ZZEF1: variants seen among roughly 807,000 people sequenced by gnomAD.
ZZEF1 encodes the protein zinc finger ZZ-type and EF-hand domain-containing protein 1.
In ZZEF1, 157 loss-of-function variants were observed where a neutral mutation model predicts 342.8. The ratio of observed to expected loss-of-function variants is 0.46; its 90% confidence interval spans 0.40 to 0.52. The LOEUF (loss-of-function observed/expected upper bound fraction) is 0.52, where lower values mean the gene tolerates loss of function less well. ZZEF1 is among the 20% of genes least tolerant of loss of function. ZZEF1 has a pLI of 0.00. For missense variants in ZZEF1, 3,480 were observed against 3,725.6 expected (o/e 0.93, Z 1.72); for synonymous variants, 1,505 against 1,429.1 (o/e 1.05, Z -1.20).
Position 4,050,858 on chromosome 17 carries a change from C to A in ZZEF1, c.5786G>T (p.Arg1929Leu), listed in dbSNP as rs142520166. 1 of 1,614,142 alleles carries A rather than the reference C, an allele frequency of 6.2e-7. No individual in the cohort carries two copies. Among genetic ancestry groups the A allele is most frequent in the African/African-American group, 1.3e-5 (1 of 75,050 alleles). ...VDGEKLDPQT[R>L]SSATTLRSQC... ...GCTCCGCAGGGTGGTGGCACTGCTG[C>A]GCGTCTGGGGGTCCAGCTTCTCCCC... The change falls in exon 36 of 55, where the codon CGC becomes CTC. Residue 1929 changes from arginine (R) to leucine (L), a missense_variant. Transcript: ENST00000381638.
chr17:4,031,482 A>G (rs1206364952), intron 42 of ZZEF1, among the ~76,000 whole-genome samples: 1 of 152,204 alleles, frequency 6.6e-6, no homozygotes, highest in Non-Finnish European at 1.5e-5. Flanking sequence ...TGGATGGAGA[A>G]AGGATGGCCT....
chr17:4,079,051 A>G (rs1166970963), intron 18 of ZZEF1, among the ~76,000 whole-genome samples: 5 of 152,360 alleles, frequency 3.3e-5, no homozygotes, highest in African/African-American at 1.2e-4. Flanking sequence ...GAAAAGACAC[A>G]CAACTGATCT....
chr17:4,066,359 G>T, intron 28 of ZZEF1, 88 bp downstream of exon 28: 1 of 1,136,178 alleles, frequency 8.8e-7, no homozygotes, highest in Non-Finnish European at 1.3e-6. Context: ...CCTCAATTAA[G>T]ATAATCTAGA....
chr17:4,047,363 G>C (rs2145141367), intron 37 of ZZEF1, among the ~76,000 whole-genome samples: 1 of 152,336 alleles, frequency 6.6e-6, no homozygotes, highest in East Asian at 1.9e-4. Flanking sequence ...ATAAATAATG[G>C]GTCAGGCACA....
rs1363248616 is a variant in ZZEF1 at position 4,017,070 on chromosome 17, G to A, written c.8001+301C>T. On this transcript the variant is annotated intron_variant, in intron 48 of 54. Transcript: ENST00000381638. The surrounding 1 kb of genome is among the most constrained non-coding windows in gnomAD (Gnocchi z 5.1). ...GACTGCGTGTGTGTGTGTGAAGGTG[G>A]GTGAGGGACAGGATCAAAAAGGAGC... The A allele has an allele frequency of 5.6e-6, 2 of 359,772 alleles. No individual in the cohort carries two copies. The highest frequency in any genetic ancestry group is 5.7e-5 in the East Asian group (1 of 17,522). 22.3% of individuals were successfully genotyped at this position (359,772 alleles called of 1,614,324 possible). A position where few individuals can be genotyped will look rare whatever the true frequency, so the allele number is the denominator to read the frequency against.
chr17:4,138,488 A>G (rs1426663806), intron 1 of ZZEF1, among the ~76,000 whole-genome samples: 2 of 152,190 alleles, frequency 1.3e-5, no homozygotes, highest in Non-Finnish European at 2.9e-5. Flanking sequence ...CTGAATATAA[A>G]ATATGAGGTT....
Position 4,067,157 on chromosome 17 carries a change from T to C in ZZEF1, c.4155+6A>G. The stretch of plus-strand genomic sequence containing the variant: ...ATAGCAAAATCACATGCAAAGAAAA[T>C]CTTACCATCCATATTCGAATCCCAT... On this transcript the variant is annotated splice_donor_region_variant and intron_variant, in intron 27 of 54. Coordinates refer to ENST00000381638, the MANE Select transcript of ZZEF1 (RefSeq NM_015113.4). The C allele has an allele frequency of 1.2e-6, 2 of 1,610,918 alleles. No homozygotes were observed. Among genetic ancestry groups the C allele is most frequent in the Non-Finnish European group, 1.7e-6 (2 of 1,178,502 alleles).
chr17:4,128,892 C>A (rs1278973790), intron 1 of ZZEF1, among the ~76,000 whole-genome samples: 2 of 151,298 alleles, frequency 1.3e-5, no homozygotes, highest in East Asian at 3.9e-4. Context: ...CCTCAGCCTC[C>A]CGAGTAGCTG....
intron 42 of ZZEF1, among the ~76,000 whole-genome samples, chr17:4,030,142 A>G (rs1215252231): frequency 6.6e-6 from 1 of 152,158 alleles, no homozygotes; most frequent in Non-Finnish European, 1.5e-5. Flanking sequence ...AACAGCAAAC[A>G]GAAATAAAAG....
chr17:4,006,643 C>T lies in ZZEF1; in HGVS notation c.*247G>A. 1 of 537,472 alleles carries T rather than the reference C, an allele frequency of 1.9e-6. No individual in the cohort carries two copies. The highest frequency in any genetic ancestry group is 3.4e-5 in the East Asian group (1 of 29,424). 33.3% of individuals were successfully genotyped at this position (537,472 alleles called of 1,614,324 possible). On this transcript the variant is annotated 3_prime_UTR_variant, in exon 55 of 55. Coordinates refer to ENST00000381638, the MANE Select transcript of ZZEF1 (RefSeq NM_015113.4). Reference sequence around the variant, plus strand: ...GCTGGTCTCTGAACCTTCTTAAGGGCCCCCTGCCCACCCTTTCTGAGGCAT... The same window carrying T: ...GCTGGTCTCTGAACCTTCTTAAGGGTCCCCTGCCCACCCTTTCTGAGGCAT...
chr17:4,047,445 G>C (rs2056943104), intron 37 of ZZEF1, among the ~76,000 whole-genome samples: 1 of 152,002 alleles, frequency 6.6e-6, no homozygotes, highest in Non-Finnish European at 1.5e-5. Flanking sequence ...AGGAGTTCGA[G>C]ACCAACCGGG....
chr17:4,013,779 T>C (rs2144939541), intron 51 of ZZEF1, among the ~76,000 whole-genome samples, 165 bp from the exon 52 acceptor site: 1 of 152,360 alleles, frequency 6.6e-6, no homozygotes, highest in East Asian at 1.9e-4. Flanking sequence ...ATTAAGGCTT[T>C]TGTAAAAATA....
At chr17:4,127,742 T>G (rs1295643465) in intron 1 of ZZEF1, among the ~76,000 whole-genome samples, 1 of 152,168 alleles carries the variant, frequency 6.6e-6, no homozygotes, top group African/African-American at 2.4e-5. Context: ...ACTTGCTCAA[T>G]GTGTAAGACT....
At chr17:4,134,663 C>T (rs1048439071) in intron 1 of ZZEF1, among the ~76,000 whole-genome samples, 3 of 152,020 alleles carry the variant, frequency 2.0e-5, no homozygotes, top group African/African-American at 4.8e-5. Flanking sequence ...TTGCTGGTGA[C>T]GAACAGAGAG....
chr17:4,123,675 T>TA (rs2058526812), intron 2 of ZZEF1, among the ~76,000 whole-genome samples: 1 of 151,954 alleles, frequency 6.6e-6, no homozygotes, highest in Non-Finnish European at 1.5e-5. Flanking sequence ...AGAGATCCAA[T>TA]AAGGAAAGCG....
chr17:4,092,274 T>G (rs2057959473), intron 11 of ZZEF1, among the ~76,000 whole-genome samples: 1 of 150,086 alleles, frequency 6.7e-6, no homozygotes, highest in African/African-American at 2.5e-5. Flanking sequence ...CCGAGTAGGT[T>G]CTGTAACAGA....
Position 4,045,535 on chromosome 17 carries a change from C to A in ZZEF1, c.6016-1161G>T, listed in dbSNP as rs559322457. Among the ~76,000 whole-genome samples the A allele has an allele frequency of 2.6e-5, 4 of 152,224 alleles. No homozygotes were observed. The East Asian group carries it at 7.7e-4, about 29-fold the overall frequency. ...AGATAAGACTACATCAATTCTATAG[C>A]CTAGAAATATGACATTGTTTTCACT... On this transcript the variant is annotated intron_variant, in intron 37 of 54. Transcript: ENST00000381638.
chr17:4,123,243 T>A (rs1023662758), intron 2 of ZZEF1, among the ~76,000 whole-genome samples: 2 of 139,506 alleles, frequency 1.4e-5, no homozygotes, highest in Non-Finnish European at 3.1e-5. Flanking sequence ...TTATGCCTAA[T>A]TTATACATTA....
rs745559876 is a variant in ZZEF1, at chr17:4,019,808, AG to A, written c.7405-40del. On this transcript the variant is annotated intron_variant, in intron 45 of 54. Coordinates refer to ENST00000381638, the MANE Select transcript of ZZEF1 (RefSeq NM_015113.4). ...GAGGACGCAGACAAGAACCATTAAC[AG>A]TGCTTCAATACGGTATTGATCAACT... The A allele has an allele frequency of 2.0e-6, 3 of 1,503,202 alleles. No individual in the cohort carries two copies. In the Admixed American group the frequency reaches 6.0e-5, roughly 30 times the overall value. The allele number at this position is 1,503,202 out of a possible 1,614,324, so 93.1% of individuals were successfully genotyped here. A position where few individuals can be genotyped will look rare whatever the true frequency, so the allele number is the denominator to read the frequency against.
Sources: gnomAD v4.1 joint callset for allele counts (sites outside exome capture counted in the v4.1 genomes callset) on GRCh38, gnomAD v4.1.1 for gene constraint, Gnocchi (gnomAD v3.1) non-coding constraint, MANE v1.5 for transcripts, NCBI Gene and HGNC (gene_info 2026-07-23, HGNC 2026-07-21) for gene names.